Variants in MCM3AP observed in about 807,000 individuals in gnomAD.
MCM3AP encodes the protein germinal-center associated nuclear protein.
A neutral mutation model predicts 184.1 loss-of-function variants in MCM3AP; 126 were observed. The ratio of observed to expected loss-of-function variants is 0.68; its 90% CI spans 0.59 to 0.79. MCM3AP has a LOEUF of 0.79. Ranked by LOEUF, MCM3AP falls within the 30% of genes least tolerant of loss-of-function variation. The probability of loss-of-function intolerance (pLI) is 0.00; values close to 1 mark genes in which losing one functional copy is unlikely to be tolerated. For missense variants in MCM3AP, 2,496 were observed against 2,479.2 expected, an observed-to-expected ratio of 1.01 and a Z score of -0.14; for synonymous variants, 1,002 against 979.3, an observed-to-expected ratio of 1.02 and a Z score of -0.43.
chr21:46,238,716 GAAAAAAAAATCT>G (rs2080593481), intron 26 of MCM3AP, among the ~76,000 whole-genome samples: 1 of 53,382 alleles, frequency 1.9e-5, no homozygotes, highest in African/African-American at 8.1e-5. Flanking sequence ...TAATAAAAAG[GAAAAAAAAATCT>G]CATCCCAAAC....
intron 26 of MCM3AP, among the ~76,000 whole-genome samples, chr21:46,237,945 C>CAA (rs2080576884): frequency 8.7e-6 from 1 of 114,538 alleles, no homozygotes; most frequent in Non-Finnish European, 1.8e-5. Flanking sequence ...ACTAAAAATA[C>CAA]AAAAATTAGC....
At position 46,237,814 on chromosome 21, in the gene MCM3AP, A is replaced by AG. The variant is rs1346077457; in HGVS notation, c.5634-836_5634-835insC. 3.4e-5 allele frequency among the ~76,000 whole-genome samples: 4 copies of AG among 117,664 alleles called. 1 individual carries two copies. Among genetic ancestry groups the AG allele is most frequent in the Admixed American group, 2.8e-4 (3 of 10,846 alleles). 77.2% of individuals were successfully genotyped at this position (117,664 alleles called of 152,430 possible). On this transcript the variant is annotated intron_variant, in intron 26 of 27. Transcript: ENST00000291688. ...GATAAAGCTTAATTTAAAAAAAAAA[A>AG]CTAGGCTGGGCTCGGTGGCTCATGC...
At chr21:46,243,770 T>C (rs1267377960) in intron 23 of MCM3AP, 48 bp from the exon 24 acceptor site, 1 of 1,586,728 alleles carries the variant, frequency 6.3e-7, no homozygotes, top group South Asian at 1.1e-5. Context: ...AAAATACAGG[T>C]GAAAATGTAC....
At chr21:46,242,691 C>T in intron 25 of MCM3AP, 111 bp downstream of exon 25, 2 of 1,069,434 alleles carry the variant, frequency 1.9e-6, no homozygotes, top group South Asian at 1.6e-5. Flanking sequence ...GGATTTGTCA[C>T]AGTCTGCCCA....
intron 16 of MCM3AP, among the ~76,000 whole-genome samples, chr21:46,257,924 C>CAAAA (rs5844261): frequency 1.0e-5 from 1 of 97,048 alleles, no homozygotes; most frequent in Non-Finnish European, 2.1e-5. Context: ...GACTCCATCT[C>CAAAA]AAAAAAAAAA....
At position 46,277,631 on chromosome 21, in the gene MCM3AP, A is replaced by AGGCCCTCGG; in HGVS notation, c.1745_1753dup (p.Gly584_Leu585insProGluGly). On this transcript the variant is annotated inframe_insertion, in exon 5 of 28. Transcript: ENST00000291688. ...ACTGAGGGAGAGCACACATGGCCCG[A>AGGCCCTCGG]GGCCCTCGGAGCCCTCGGAGGCTGA... The AGGCCCTCGG allele has an allele frequency of 6.2e-7, 1 of 1,612,188 alleles. No homozygotes were observed. Among genetic ancestry groups the AGGCCCTCGG allele is most frequent in the Non-Finnish European group, 8.5e-7 (1 of 1,179,144 alleles).
In MCM3AP at chr21:46,259,182, G is replaced by A. The variant is rs555077353; in HGVS notation, c.3582-91C>T. 2.5e-4 allele frequency: 347 copies of A among 1,364,224 alleles called. 4 individuals carry two copies. In the South Asian group the frequency reaches 4.2e-3, roughly 17 times the overall value. 84.5% of individuals were successfully genotyped at this position (1,364,224 alleles called of 1,614,324 possible). ...TGAAAAGTGCAAGAGTCAGTCAGGC[G>A]CGGTGGCTCACGCCTGTAATCCCAG... On this transcript the variant is annotated intron_variant, in intron 15 of 27. Coordinates refer to ENST00000291688, the MANE Select transcript of MCM3AP (RefSeq NM_003906.5).
rs139470487 is a variant in MCM3AP, at chr21:46,283,771, C to T, written c.1287G>A (p.Leu429=). The stretch of plus-strand genomic sequence containing the variant: ...GGATGGCTGTGACTTCAGAGGGAGA[C>T]AAGCCCCCAAGACTGTCTGTGCTCT... ...RSESTDSLGG[L]SPSEVTAIQC... is the part of the protein sequence containing the mutation. The change falls in exon 2 of 28, where the codon TTG becomes TTA. Residue 429 remains leucine, a synonymous_variant. Coordinates refer to ENST00000291688, the MANE Select transcript of MCM3AP (RefSeq NM_003906.5). The T allele has an allele frequency of 6.2e-7, 1 of 1,614,140 alleles. No homozygotes were observed. Among genetic ancestry groups the T allele is most frequent in the Non-Finnish European group, 8.5e-7 (1 of 1,180,000 alleles).
chr21:46,272,709 T>C lies in MCM3AP; in HGVS notation c.2317A>G (p.Lys773Glu), dbSNP rs2081196817. The change falls in exon 8 of 28, where the codon AAG (lysine) becomes GAG (glutamate). Residue 773 changes from lysine to glutamate, a missense_variant. Transcript: ENST00000291688. ...TTGGTCATGTTCTCATTATTGATCT[T>C]GGCATCAAAGGAGGACATGGGCTCC... ...CEEPMSSFDA[K>E]INNENMTKCL... The C allele has an allele frequency of 1.9e-6, 3 of 1,614,156 alleles. No individual in the cohort carries two copies. Among genetic ancestry groups the C allele is most frequent in the Non-Finnish European group, 2.5e-6 (3 of 1,180,018 alleles).
intron 25 of MCM3AP, chr21:46,241,628 C>A (rs558730488): frequency 4.6e-5 from 7 of 152,650 alleles, no homozygotes; most frequent in Non-Finnish European, 7.3e-5. Flanking sequence ...TGGTATCAGG[C>A]CAAGCAAACC....
intron 13 of MCM3AP, among the ~76,000 whole-genome samples, chr21:46,261,732 CAAAAA>C (rs58763611): frequency 1.8e-5 from 2 of 110,970 alleles, no homozygotes; most frequent in Non-Finnish European, 1.8e-5. Context: ...GACTCTGTCT[CAAAAA>C]AAAAAAAAAA....
intron 8 of MCM3AP, 105 bp from the exon 9 acceptor site, chr21:46,270,668 G>C: frequency 9.8e-7 from 1 of 1,020,472 alleles, no homozygotes. Context: ...GCCAGATGCA[G>C]TGGCTCACAC....
At chr21:46,254,320 C>T (rs910143566) in intron 19 of MCM3AP, 72 bp downstream of exon 19, 17 of 1,563,366 alleles carry the variant, frequency 1.1e-5, no homozygotes, top group East Asian at 6.7e-5. Flanking sequence ...GAGGAATACC[C>T]GGCCCTGGCC....
rs1269897878 is a variant in MCM3AP, at chr21:46,272,778, T to C, written c.2248A>G (p.Lys750Glu). 3 of 1,612,844 alleles carry C rather than the reference T, an allele frequency of 1.9e-6. No homozygotes were observed. The highest frequency in any genetic ancestry group is 2.5e-6 in the Non-Finnish European group (3 of 1,179,196). Residue 750 changes from lysine to glutamate, a missense_variant, in exon 8 of 28, where the codon AAG (lysine) becomes GAG (glutamate). Lys to Glu is a moderately conservative substitution (Grantham distance 56). Around this residue, in one of 5 missense-constraint regions of MCM3AP, gnomAD observed 105 missense variants for 97.1 expected, o/e 1.08. Transcript: ENST00000291688. The stretch of plus-strand genomic sequence containing the variant: ...CAGTGGATGTGAAACCGGGTGCACT[T>C]CTCAATCAGGGACACCGTCAGGGGG... ...CDPLTVSLIEKCTRFHIHCAH... is the reference protein window; with the variant it reads ...CDPLTVSLIEECTRFHIHCAH...
rs1178197452 is a variant in MCM3AP, at chr21:46,235,411, CCCT to C, written c.5797_5799del (p.Arg1933del). Reference sequence around the variant, plus strand: ...GTCGCCTCTGACAGCTGCAGTTGCTCCCTCATCATGTCACTCTATTTGAATAAA... The same window carrying C: ...GTCGCCTCTGACAGCTGCAGTTGCTCCATCATGTCACTCTATTTGAATAAA... On this transcript the variant is annotated inframe_deletion, in exon 28 of 28. Transcript: ENST00000291688. 5.6e-6 allele frequency: 9 copies of C among 1,614,008 alleles called. No individual in the cohort carries two copies. Among genetic ancestry groups the C allele is most frequent in the Non-Finnish European group, 5.9e-6 (7 of 1,179,964 alleles).
chr21:46,283,814 C>G lies in MCM3AP; in HGVS notation c.1244G>C (p.Arg415Pro), dbSNP rs146531143. The change falls in exon 2 of 28, where the codon CGT becomes CCT. Residue 415 changes from arginine to proline, a missense_variant. Physicochemically the swap from Arg to Pro is moderately radical, Grantham distance 103. Around this residue, in one of 5 missense-constraint regions of MCM3AP, gnomAD observed 800 missense variants for 717.1 expected, o/e 1.12. Transcript: ENST00000291688. ...KEDSLRGTPA[R>P]QSNRSESTDS... ...TGTGCTCTCGCTTCTGTTACTCTGACGCGCCGGAGTTCCTCTTAGAGAATC... is the reference window on the plus strand; with the variant it reads ...TGTGCTCTCGCTTCTGTTACTCTGAGGCGCCGGAGTTCCTCTTAGAGAATC... 1.9e-6 allele frequency: 3 copies of G among 1,613,360 alleles called. No homozygotes were observed. The highest frequency in any genetic ancestry group is 1.7e-5 in the Admixed American group (1 of 59,986).
chr21:46,273,590 A>G lies in MCM3AP; in HGVS notation c.1999-5T>C. ...CACAGCTGCTGCGTGGTCCACCTAGAGACATGAAGCCGAGACAGGATGCCC... is the reference window on the plus strand; with the variant it reads ...CACAGCTGCTGCGTGGTCCACCTAGGGACATGAAGCCGAGACAGGATGCCC... On this transcript the variant is annotated splice_region_variant and splice_polypyrimidine_tract_variant and intron_variant, in intron 6 of 27. Transcript: ENST00000291688. The G allele has an allele frequency of 1.2e-6, 2 of 1,613,152 alleles. No individual in the cohort carries two copies. Among genetic ancestry groups the G allele is most frequent in the South Asian group, 1.1e-5 (1 of 91,030 alleles).
intron 20 of MCM3AP, among the ~76,000 whole-genome samples, chr21:46,249,019 G>A (rs1276159592): frequency 6.6e-6 from 1 of 152,102 alleles, no homozygotes; most frequent in East Asian, 1.9e-4. Context: ...GACCTGCTAA[G>A]CCCTGCACAG....
chr21:46,271,639 A>G (rs1022898348), intron 8 of MCM3AP, among the ~76,000 whole-genome samples: 2 of 152,040 alleles, frequency 1.3e-5, no homozygotes, highest in Admixed American at 6.6e-5. Flanking sequence ...CAGGTGGATC[A>G]CCTGAGGTCA....
Sources: allele counts gnomAD v4.1 joint callset (sites outside exome capture counted in the v4.1 genomes callset), GRCh38; gene constraint gnomAD v4.1.1; regional missense constraint gnomAD v4.1.1; transcripts MANE v1.5; gene names NCBI Gene and HGNC (gene_info 2026-07-23, HGNC 2026-07-21).